Variants in NCALD observed in about 807,000 individuals in gnomAD.
NCALD encodes the protein neurocalcin delta, also known as neurocalcin-delta.
A neutral mutation model predicts 18.6 loss-of-function variants in NCALD; 10 were observed. The ratio of observed to expected loss-of-function variants is 0.54; its 90% CI spans 0.33 to 0.91. NCALD has a LOEUF of 0.91. NCALD is among the 40% of genes least tolerant of loss of function. NCALD has a pLI of 0.03. For missense variants in NCALD, 184 were observed against 247.6 expected (o/e 0.74, Z 1.72); for synonymous variants, 88 against 87.4 (o/e 1.01, Z -0.04).
chr8:101,935,550 T>C (rs1360122674), intron 2 of NCALD, among the ~76,000 whole-genome samples: 1 of 152,150 alleles, frequency 6.6e-6, no homozygotes, highest in African/African-American at 2.4e-5. Context: ...TGTCCAAAGC[T>C]GTTGAAAAGT....
At chr8:101,741,175 G>T (rs1013262240) in intron 1 of NCALD, among the ~76,000 whole-genome samples, 4 of 151,386 alleles carry the variant, frequency 2.6e-5, no homozygotes, top group Non-Finnish European at 5.9e-5. Flanking sequence ...CTGTATCCCT[G>T]TGTACACACA....
chr8:101,931,461 G>A (rs1818568954), intron 2 of NCALD, among the ~76,000 whole-genome samples: 2 of 152,190 alleles, frequency 1.3e-5, no homozygotes, highest in Admixed American at 1.3e-4. Context: ...AGAGTTGGCA[G>A]AGCAGAAAGA....
chr8:101,792,767 G>A (rs1441284067), upstream of NCALD, among the ~76,000 whole-genome samples: 2 of 152,040 alleles, frequency 1.3e-5, no homozygotes, highest in African/African-American at 4.8e-5. Context: ...CATCTCTCTG[G>A]CTCTAATCCA....
At chr8:101,918,772 A>ACACACACACG (rs1489118720) in intron 2 of NCALD, among the ~76,000 whole-genome samples, 1 of 151,456 alleles carries the variant, frequency 6.6e-6, no homozygotes, top group Admixed American at 6.6e-5. Context: ...ACACACACAC[A>ACACACACACG]CAGATACCTA....
intron 1 of NCALD, among the ~76,000 whole-genome samples, chr8:102,026,369 A>C (rs536230798): frequency 6.6e-6 from 1 of 152,350 alleles, no homozygotes; most frequent in East Asian, 1.9e-4. Context: ...CAATAGAGGT[A>C]CAGGAATTGG....
chr8:101,917,436 C>T (rs1216231786), intron 2 of NCALD, among the ~76,000 whole-genome samples: 1 of 151,932 alleles, frequency 6.6e-6, no homozygotes, highest in South Asian at 2.1e-4. Flanking sequence ...TCTAGAAAAA[C>T]AAGAGCAAAG....
chr8:101,806,852 A>G (rs913103435), intron 4 of NCALD, among the ~76,000 whole-genome samples: 5 of 152,070 alleles, frequency 3.3e-5, no homozygotes, highest in Non-Finnish European at 7.4e-5. Context: ...CCACACCCAG[A>G]CATATCATAG....
intron 4 of NCALD, among the ~76,000 whole-genome samples, chr8:101,870,245 CT>C (rs1255767815): frequency 2.0e-5 from 3 of 152,086 alleles, no homozygotes; most frequent in Admixed American, 6.6e-5. Context: ...AGAAAAATGA[CT>C]TTTTTCCTTA....
intron 1 of NCALD, among the ~76,000 whole-genome samples, chr8:102,062,258 G>A (rs1291130946): frequency 3.9e-5 from 6 of 152,212 alleles, no homozygotes; most frequent in African/African-American, 9.6e-5. Flanking sequence ...AGCTATGATC[G>A]CACCACTGCG....
chr8:101,889,493 C>T (rs1476246223), intron 3 of NCALD, among the ~76,000 whole-genome samples: 1 of 152,174 alleles, frequency 6.6e-6, no homozygotes, highest in African/African-American at 2.4e-5. Flanking sequence ...ACTCTGAATA[C>T]TATACAAACA....
chr8:101,760,340 G>C (rs1355191297), intron 1 of NCALD, among the ~76,000 whole-genome samples: 1 of 152,152 alleles, frequency 6.6e-6, no homozygotes, highest in Non-Finnish European at 1.5e-5. Flanking sequence ...GAGCCAGCTG[G>C]GGGCCCTCCA....
At chr8:102,034,333 T>C (rs1822787854) in intron 1 of NCALD, among the ~76,000 whole-genome samples, 1 of 152,176 alleles carries the variant, frequency 6.6e-6, no homozygotes, top group African/African-American at 2.4e-5. Flanking sequence ...TTATCCCCCT[T>C]ATCAGGGAAC....
chr8:101,757,810 G>T (rs1563737441), intron 1 of NCALD, among the ~76,000 whole-genome samples: 1 of 152,010 alleles, frequency 6.6e-6, no homozygotes, highest in Non-Finnish European at 1.5e-5. Context: ...AACAAATATA[G>T]TGAAGTAAAT....
intron 1 of NCALD, among the ~76,000 whole-genome samples, chr8:102,081,576 A>AAAAAAAAAAAAAAAAAC (rs370277767): frequency 3.2e-5 from 2 of 63,430 alleles, no homozygotes; most frequent in Admixed American, 1.4e-4. Context: ...AAAAAAAAAA[A>AAAAAAAAAAAAAAAAAC]CCCCAAAAAA....
In NCALD at chr8:102,109,305, T is replaced by C. The variant is rs563423546; in HGVS notation, c.-210+14932A>G. 6.1e-4 allele frequency among the ~76,000 whole-genome samples: 93 copies of C among 152,318 alleles called. 1 individual carries two copies. Among genetic ancestry groups the C allele is most frequent in the African/African-American group, 2.0e-3 (85 of 41,566 alleles). ...TTGCTTTATGGAAATGAAAGGTTTT[T>C]TTTTTTTAAGCCTAATTCTATAAAG... On this transcript the variant is annotated intron_variant, in intron 1 of 6. Coordinates refer to the NCALD transcript ENST00000311028.
intron 3 of NCALD, among the ~76,000 whole-genome samples, chr8:101,900,167 C>CTTA (rs2131560101): frequency 6.6e-6 from 1 of 151,832 alleles, no homozygotes; most frequent in African/African-American, 2.4e-5. Context: ...GTAGAATGTC[C>CTTA]TTATTATTCT....
chr8:101,981,143 CTCTTA>C (rs1289319450), intron 2 of NCALD, among the ~76,000 whole-genome samples: 4 of 152,178 alleles, frequency 2.6e-5, no homozygotes, highest in Admixed American at 6.5e-5. Flanking sequence ...CAATAACCTC[CTCTTA>C]TATTTCTCAA....
chr8:101,718,949 A>C (rs116158647), intron 2 of NCALD, among the ~76,000 whole-genome samples: 113 of 152,380 alleles, frequency 7.4e-4, no homozygotes, highest in African/African-American at 2.6e-3. Context: ...CATAATCTAG[A>C]CATTCCTTTT....
upstream of NCALD, among the ~76,000 whole-genome samples, chr8:101,792,822 T>C (rs1395938175): frequency 6.6e-6 from 1 of 151,924 alleles, no homozygotes. Context: ...AGCTTTAGCA[T>C]TTAAGAGAGA....
Sources: allele counts gnomAD v4.1 joint callset (sites outside exome capture counted in the v4.1 genomes callset), GRCh38; gene constraint gnomAD v4.1.1; transcripts MANE v1.5; gene names NCBI Gene and HGNC (gene_info 2026-07-23, HGNC 2026-07-21).